RORA: variants seen among roughly 807,000 people sequenced by gnomAD.
RORA encodes nuclear receptor ROR-alpha.
RORA carries 7 observed loss-of-function variants against 69.5 expected under a neutral mutation model. The observed-to-expected ratio is 0.10, with a 90% CI of 0.06 to 0.19. The LOEUF (loss-of-function observed/expected upper bound fraction) is 0.19. RORA is among the 10% of genes least tolerant of loss of function. The pLI, the probability that RORA is intolerant of heterozygous loss-of-function variation, is 1.00. For synonymous variants in RORA, 261 were observed against 240.8 expected (o/e 1.08, Z -0.78); for missense variants, 457 against 663.0 (o/e 0.69, Z 3.41).
chr15:61,009,081 T>C (rs749887271), intron 1 of RORA, among the ~76,000 whole-genome samples: 1 of 152,166 alleles, frequency 6.6e-6, no homozygotes, highest in African/African-American at 2.4e-5. Context: ...GAGTAGCAAA[T>C]ACAAATGCGA....
chr15:60,517,190 T>G (rs141771416), intron 3 of RORA, among the ~76,000 whole-genome samples: 5 of 151,898 alleles, frequency 3.3e-5, no homozygotes, highest in Admixed American at 3.3e-4. Context: ...CTGCCTTCCT[T>G]TGTAATGGCT....
intron 1 of RORA, among the ~76,000 whole-genome samples, chr15:61,095,323 T>G (rs555561886): frequency 6.6e-6 from 1 of 152,330 alleles, no homozygotes; most frequent in Non-Finnish European, 1.5e-5. Flanking sequence ...GGAATTTATT[T>G]ACCAAAAATA....
At chr15:60,801,346 T>C (rs1183355909) in intron 1 of RORA, among the ~76,000 whole-genome samples, 2 of 152,206 alleles carry the variant, frequency 1.3e-5, no homozygotes, top group Non-Finnish European at 1.5e-5. Flanking sequence ...AAGAATATTA[T>C]ATAAGGAACG....
In RORA at chr15:61,226,666, C is replaced by T. The variant is rs1203439346; in HGVS notation, c.166+2387G>A. Among the ~76,000 whole-genome samples the T allele has an allele frequency of 1.3e-5, 2 of 152,224 alleles. No individual in the cohort carries two copies. Among genetic ancestry groups the T allele is most frequent in the Admixed American group, 1.3e-4 (2 of 15,280 alleles). ...ATGCTACATCTGAGGTTAAAGTCTGCAAATGCACATAATTTCTGGAAGCTA... is the reference window on the plus strand; with the variant it reads ...ATGCTACATCTGAGGTTAAAGTCTGTAAATGCACATAATTTCTGGAAGCTA... On this transcript the variant is annotated intron_variant, in intron 1 of 10. Transcript: ENST00000335670. The surrounding 1 kb of genome is among the most constrained non-coding windows in gnomAD (Gnocchi z 4.2).
chr15:60,827,057 C>T (rs768467283), intron 1 of RORA, among the ~76,000 whole-genome samples: 2 of 152,132 alleles, frequency 1.3e-5, no homozygotes, highest in African/African-American at 2.4e-5. Flanking sequence ...ACAATATTAA[C>T]GCCATTTCTA....
intron 1 of RORA, among the ~76,000 whole-genome samples, chr15:60,796,511 CA>C (rs200497896): frequency 5.3e-4 from 76 of 144,064 alleles, no homozygotes; most frequent in Middle Eastern, 3.5e-3. Context: ...CACCCCCCGC[CA>C]AAAAAAAAAA....
chr15:60,993,597 C>T (rs926350859), intron 1 of RORA, among the ~76,000 whole-genome samples: 1 of 139,596 alleles, frequency 7.2e-6, no homozygotes, highest in African/African-American at 2.7e-5. Context: ...GAGCTAAGAT[C>T]ACGCCACTGC....
At chr15:60,690,426 T>C (rs1322218962) in intron 1 of RORA, among the ~76,000 whole-genome samples, 1 of 152,220 alleles carries the variant, frequency 6.6e-6, no homozygotes, top group Non-Finnish European at 1.5e-5. Context: ...TCCAGCCATG[T>C]GGGCAAGGCC....
chr15:60,730,921 T>G (rs1408853856), intron 1 of RORA, among the ~76,000 whole-genome samples: 1 of 152,178 alleles, frequency 6.6e-6, no homozygotes, highest in African/African-American at 2.4e-5. Context: ...ACTTTTATTT[T>G]AAGTCCAGGG....
intron 2 of RORA, among the ~76,000 whole-genome samples, chr15:60,613,824 C>G (rs1323497427): frequency 6.7e-6 from 1 of 150,088 alleles, no homozygotes; most frequent in Non-Finnish European, 1.5e-5. Context: ...GGTAAAAGGG[C>G]ACCCTCAAAA....
chr15:60,767,726 C>T (rs951063474), intron 1 of RORA, among the ~76,000 whole-genome samples: 1 of 152,180 alleles, frequency 6.6e-6, no homozygotes, highest in African/African-American at 2.4e-5. Flanking sequence ...CTGTCCTCAC[C>T]TTCTCTTTTG....
intron 1 of RORA, among the ~76,000 whole-genome samples, chr15:61,152,793 G>T (rs942457558): frequency 3.3e-5 from 5 of 152,128 alleles, no homozygotes; most frequent in African/African-American, 1.2e-4. Flanking sequence ...GTTAAGCTGG[G>T]AGAAAATCAA....
chr15:60,749,689 G>A (rs1278580301), intron 1 of RORA, among the ~76,000 whole-genome samples: 2 of 152,114 alleles, frequency 1.3e-5, no homozygotes, highest in Admixed American at 1.3e-4. Context: ...CTGATTTTAG[G>A]CACCTAAAGA....
intron 1 of RORA, among the ~76,000 whole-genome samples, chr15:60,837,372 G>A (rs1010708691): frequency 2.0e-5 from 3 of 152,176 alleles, no homozygotes; most frequent in Non-Finnish European, 2.9e-5. Context: ...GAAGCTTGGC[G>A]AACACCAGCT....
At position 61,047,959 on chromosome 15, in the gene RORA, C is replaced by T. The variant is rs534242752; in HGVS notation, c.166+181094G>A. On this transcript the variant is annotated intron_variant, in intron 1 of 10. Transcript: ENST00000335670. The stretch of plus-strand genomic sequence containing the variant: ...TTCCTATTGTGGCAAAAATGAGCAA[C>T]GTTAAAACTCCCCAGAATGCAGAGG... Among the ~76,000 whole-genome samples, 4 of 152,228 alleles carry T rather than the reference C, an allele frequency of 2.6e-5. 1 individual carries two copies. The Middle Eastern group carries it at 0.01, about 388-fold the overall frequency.
intron 1 of RORA, among the ~76,000 whole-genome samples, chr15:60,837,186 T>G (rs2073129180): frequency 6.6e-6 from 1 of 152,204 alleles, no homozygotes; most frequent in African/African-American, 2.4e-5. Context: ...CGTTGACTTT[T>G]AAGGCCCTCT....
intron 1 of RORA, among the ~76,000 whole-genome samples, chr15:60,931,911 C>T (rs1482049): frequency 0.24 from 36,832 of 152,152 alleles, 5,022 homozygotes; most frequent in East Asian, 0.55. Flanking sequence ...TAAGCCATTG[C>T]CTCAACTTGG....
At chr15:60,666,049 C>T (rs2140726593) in intron 2 of RORA, among the ~76,000 whole-genome samples, 1 of 152,030 alleles carries the variant, frequency 6.6e-6, no homozygotes, top group East Asian at 1.9e-4. Context: ...CAAGAGTGGT[C>T]ATAAAATTGT....
chr15:61,149,580 T>C (rs1215333078), intron 1 of RORA, among the ~76,000 whole-genome samples: 1 of 152,186 alleles, frequency 6.6e-6, no homozygotes. Flanking sequence ...TGTGCCATAA[T>C]TCAGCTATGA....
Sources: allele counts gnomAD v4.1 joint callset (sites outside exome capture counted in the v4.1 genomes callset), GRCh38; gene constraint gnomAD v4.1.1; non-coding constraint Gnocchi (gnomAD v3.1); transcripts MANE v1.5; gene names NCBI Gene and HGNC (gene_info 2026-07-23, HGNC 2026-07-21).